PGM2: variants seen among roughly 807,000 people sequenced by gnomAD.
The protein encoded by PGM2 is phosphoglucomutase 2.
A neutral mutation model predicts 74.6 loss-of-function variants in PGM2; 57 were observed. The ratio of observed to expected loss-of-function variants is 0.76; its 90% CI spans 0.62 to 0.95. PGM2 has a LOEUF of 0.95. PGM2 is among the 40% of genes least tolerant of loss of function. PGM2 has a pLI of 0.00. For missense variants in PGM2, 706 were observed against 741.9 expected, an observed-to-expected ratio of 0.95 and a Z score of 0.56; for synonymous variants, 273 against 260.7, an observed-to-expected ratio of 1.05 and a Z score of -0.46.
At chr4:37,844,975 CAAAAAA>C (rs35469320) in intron 7 of PGM2, among the ~76,000 whole-genome samples, 1 of 94,304 alleles carries the variant, frequency 1.1e-5, no homozygotes. Flanking sequence ...GACTTTGTCT[CAAAAAA>C]AAAAAAAAAA....
chr4:37,859,961 G>A (rs1711708034), intron 13 of PGM2, among the ~76,000 whole-genome samples: 1 of 152,160 alleles, frequency 6.6e-6, no homozygotes, highest in Admixed American at 6.6e-5. Context: ...AAATGGAACA[G>A]TTATCGATTA....
chr4:37,834,691 G>T lies in PGM2; in HGVS notation c.323G>T (p.Arg108Leu). 1 of 1,589,066 alleles carries T rather than the reference G, an allele frequency of 6.3e-7. No homozygotes were observed. The highest frequency in any genetic ancestry group is 8.6e-7 in the Non-Finnish European group (1 of 1,159,072). Residue 108 changes from arginine to leucine, a missense_variant, in exon 3 of 14, where the codon CGA becomes CTA. By Grantham distance (102) the Arg-to-Leu change is moderately radical. Around this residue, in one of 3 missense-constraint regions of PGM2, gnomAD observed 332 missense variants for 334.9 expected, o/e 0.99. Coordinates refer to ENST00000381967, the MANE Select transcript of PGM2 (RefSeq NM_018290.4). ...GGCATCGTGATCAGTTTTGACGCCC[G>T]AGCTCATCCATCCAGTGGGGGTAGC... The part of the protein sequence containing the change: ...QKGIVISFDA[R>L]AHPSSGGSSR...
Position 37,847,308 on chromosome 4 carries a change from C to T in PGM2, c.1282+13C>T, listed in dbSNP as rs1197210707. On this transcript the variant is annotated intron_variant, in intron 10 of 13. Transcript: ENST00000381967. ...GAAGAAGCTATTGGTAAGAAGTGATCATGAACATTAAGGAATTGGCTGCAA... is the reference window on the plus strand; with the variant it reads ...GAAGAAGCTATTGGTAAGAAGTGATTATGAACATTAAGGAATTGGCTGCAA... 3 of 1,567,588 alleles carry T rather than the reference C, an allele frequency of 1.9e-6. No individual in the cohort carries two copies. In the Admixed American group the frequency reaches 5.0e-5, roughly 26 times the overall value.
intron 2 of PGM2, among the ~76,000 whole-genome samples, chr4:37,832,284 G>T (rs1242359069): frequency 6.6e-6 from 1 of 152,192 alleles, no homozygotes; most frequent in African/African-American, 2.4e-5. Context: ...CTTAGGAGTG[G>T]ATTCAAAATT....
In PGM2 at chr4:37,841,072, G is replaced by GTATATATATATA. The variant is rs36127170; in HGVS notation, c.719+831_719+842dup. Among the ~76,000 whole-genome samples the GTATATATATATA allele has an allele frequency of 3.7e-3, 426 of 113,652 alleles. 1 individual carries two copies. Among genetic ancestry groups the GTATATATATATA allele is most frequent in the East Asian group, 7.2e-3 (22 of 3,060 alleles). 74.6% of individuals were successfully genotyped at this position (113,652 alleles called of 152,430 possible). A position where few individuals can be genotyped will look rare whatever the true frequency, so the allele number is the denominator to read the frequency against. On this transcript the variant is annotated intron_variant, in intron 6 of 13. Coordinates refer to ENST00000381967, the MANE Select transcript of PGM2 (RefSeq NM_018290.4). ...AAAAATTTTCTGTGCATATGCAAGCGTATATATATATATATATATATATAT... is the reference window on the plus strand; with the variant it reads ...AAAAATTTTCTGTGCATATGCAAGCGTATATATATATATATATATATATATATATATATATAT...
chr4:37,833,260 A>C (rs1175804162), intron 2 of PGM2, among the ~76,000 whole-genome samples: 1 of 152,214 alleles, frequency 6.6e-6, no homozygotes, highest in East Asian at 1.9e-4. Flanking sequence ...CTCCTACCCA[A>C]AATAAAAATT....
intron 2 of PGM2, among the ~76,000 whole-genome samples, chr4:37,833,034 G>C (rs1290587454): frequency 6.6e-6 from 1 of 152,038 alleles, no homozygotes; most frequent in Non-Finnish European, 1.5e-5. Context: ...CACAGCTCAA[G>C]GGTTGAGCAG....
chr4:37,861,483 T>G, intron 13 of PGM2, 27 bp from the exon 14 acceptor site: 1 of 1,484,162 alleles, frequency 6.7e-7, no homozygotes, highest in Non-Finnish European at 9.4e-7. Context: ...TCCCTTGACC[T>G]GGATTTTTTT....
intron 7 of PGM2, 63 bp downstream of exon 7, chr4:37,844,616 T>TA: frequency 1.0e-6 from 1 of 992,620 alleles, no homozygotes; most frequent in Non-Finnish European, 1.5e-6. Context: ...TACTGTCAAG[T>TA]AAAATACATT....
chr4:37,845,548 G>A (rs1051110151), intron 7 of PGM2, 85 bp from the exon 8 acceptor site: 55 of 917,090 alleles, frequency 6.0e-5, no homozygotes, highest in Non-Finnish European at 9.3e-5. Flanking sequence ...GACCTCTTGA[G>A]TTCTTAAGGA....
intron 12 of PGM2, among the ~76,000 whole-genome samples, chr4:37,850,850 G>T (rs1000836669): frequency 1.3e-5 from 2 of 151,820 alleles, no homozygotes; most frequent in African/African-American, 2.4e-5. Context: ...AATTAGCCAG[G>T]TGTGGTGGCT....
At chr4:37,848,370 C>A in intron 10 of PGM2, 152 bp from the exon 11 acceptor site, 1 of 595,222 alleles carries the variant, frequency 1.7e-6, no homozygotes, top group Non-Finnish European at 2.8e-6. Context: ...ATGGGCTAGG[C>A]ACTGGGCTAA....
Position 37,847,314 on chromosome 4 carries a change from C to T in PGM2, c.1282+19C>T, listed in dbSNP as rs370977104. On this transcript the variant is annotated intron_variant, in intron 10 of 13. Transcript: ENST00000381967. The stretch of plus-strand genomic sequence containing the variant: ...GCTATTGGTAAGAAGTGATCATGAA[C>T]ATTAAGGAATTGGCTGCAAGGCAAA... 54 of 1,543,940 alleles carry T rather than the reference C, an allele frequency of 3.5e-5. No individual in the cohort carries two copies. The highest frequency in any genetic ancestry group is 4.2e-5 in the Non-Finnish European group (47 of 1,117,256).
intron 2 of PGM2, among the ~76,000 whole-genome samples, chr4:37,832,655 T>A (rs1048670670): frequency 1.3e-5 from 2 of 152,350 alleles, no homozygotes; most frequent in African/African-American, 4.8e-5. Context: ...GTTCATAGAT[T>A]ATTTAATTTA....
chr4:37,835,755 A>G (rs989959757), intron 3 of PGM2, among the ~76,000 whole-genome samples: 5 of 152,232 alleles, frequency 3.3e-5, no homozygotes, highest in Non-Finnish European at 7.3e-5. Flanking sequence ...GGAAGGGTGC[A>G]TAGCCGGGGA....
At chr4:37,858,644 C>T (rs1419027341) in intron 13 of PGM2, among the ~76,000 whole-genome samples, 1 of 152,002 alleles carries the variant, frequency 6.6e-6, no homozygotes, top group Non-Finnish European at 1.5e-5. Context: ...GCCACTGCAC[C>T]AGGCTAGCAA....
At chr4:37,851,791 T>A (rs1273954994) in intron 12 of PGM2, among the ~76,000 whole-genome samples, 8 of 152,184 alleles carry the variant, frequency 5.3e-5, no homozygotes, top group Admixed American at 5.2e-4. Flanking sequence ...ATTCAATAAT[T>A]CTCTTCTCCC....
chr4:37,852,357 CAGT>C (rs1417658390), intron 12 of PGM2, among the ~76,000 whole-genome samples: 1 of 152,122 alleles, frequency 6.6e-6, no homozygotes, highest in African/African-American at 2.4e-5. Context: ...AAATGCCTCT[CAGT>C]AGGGTTTTCC....
intron 6 of PGM2, among the ~76,000 whole-genome samples, chr4:37,843,584 A>G (rs994720007): frequency 6.6e-6 from 1 of 151,612 alleles, no homozygotes; most frequent in Non-Finnish European, 1.5e-5. Flanking sequence ...TTGGCAAACA[A>G]AAAGTTTTAT....
Sources: gnomAD v4.1 joint callset for allele counts (sites outside exome capture counted in the v4.1 genomes callset) on GRCh38, gnomAD v4.1.1 for gene constraint, gnomAD v4.1.1 regional missense constraint, MANE v1.5 for transcripts, NCBI Gene and HGNC (gene_info 2026-07-23, HGNC 2026-07-21) for gene names.